CT45A10: variants seen among roughly 807,000 people sequenced by gnomAD.
CT45A10 encodes the protein cancer/testis antigen family 45 member A10.
CT45A10 carries 19 observed loss-of-function variants against 8.3 expected under a neutral mutation model. That is an observed-to-expected ratio of 2.30 (90% confidence interval 1.61 to 3.38). The LOEUF is 3.38. CT45A10 is among the 30% of genes most tolerant of loss of function. The pLI is 0.00. For synonymous variants in CT45A10, 28 were observed against 26.5 expected, an observed-to-expected ratio of 1.06 and a Z score of -0.17; for missense variants, 149 against 85.9, an observed-to-expected ratio of 1.73 and a Z score of -2.90.
chrX:135,882,872 G>T, intron 3 of CT45A10, 136 bp downstream of exon 3: 1 of 710,782 alleles, frequency 1.4e-6, no homozygotes, highest in Non-Finnish European at 2.1e-6. Context: ...TCAAAGAAAA[G>T]AGGAACCACC....
rs944791933 is a variant in CT45A10 at position 135,893,396 on chromosome X, C to T, written c.-58G>A. Among the ~76,000 whole-genome samples the T allele has an allele frequency of 1.8e-5, 2 of 112,625 alleles. No homozygotes were observed. The highest frequency in any genetic ancestry group is 3.2e-5 in the African/African-American group (1 of 31,035). On this transcript the variant is annotated 5_prime_UTR_variant, in exon 1 of 5. Coordinates refer to ENST00000682849, the MANE Select transcript of CT45A10 (RefSeq NM_001291529.2). The stretch of plus-strand genomic sequence containing the variant: ...TCACAAAATGGCAGTGAAGTTGTGG[C>T]GCCTCCCCACTGTTGTAACTTTGTA...
intron 1 of CT45A10, among the ~76,000 whole-genome samples, chrX:135,889,671 T>G (rs782525541): frequency 1.8e-5 from 2 of 109,568 alleles, no homozygotes; most frequent in Admixed American, 1.9e-4. Context: ...GCCAACATGG[T>G]GAATCCCGTC....
chrX:135,883,560 G>C (rs1160770679), intron 2 of CT45A10, among the ~76,000 whole-genome samples: 3 of 109,110 alleles, frequency 2.7e-5, no homozygotes, highest in Admixed American at 2.0e-4. Context: ...TGGAAACCAA[G>C]TAAGGCAGTA....
At chrX:135,890,846 A>T (rs2088493829) in intron 1 of CT45A10, among the ~76,000 whole-genome samples, 1 of 112,362 alleles carries the variant, frequency 8.9e-6, no homozygotes, top group South Asian at 3.7e-4. Context: ...AATCTTTAAG[A>T]AAAAGAACTA....
intron 3 of CT45A10, 110 bp downstream of exon 3, chrX:135,882,898 T>C: frequency 1.1e-6 from 1 of 947,854 alleles, no homozygotes; most frequent in Non-Finnish European, 1.5e-6. Context: ...TTATGTGCAG[T>C]CTCAACTCTG....
intron 4 of CT45A10, 120 bp from the exon 5 acceptor site, chrX:135,881,435 A>C (rs2148057882): frequency 5.2e-6 from 1 of 191,730 alleles, no homozygotes; most frequent in African/African-American, 8.1e-5. Flanking sequence ...ATGTATCTGC[A>C]TGGTAAGAGG....
intron 1 of CT45A10, among the ~76,000 whole-genome samples, chrX:135,890,347 C>T (rs782806866): frequency 8.9e-6 from 1 of 112,542 alleles, no homozygotes; most frequent in Non-Finnish European, 1.9e-5. Context: ...TGAGAGCGCT[C>T]CGGGGTAGGC....
In CT45A10 at chrX:135,883,056, C is replaced by G; in HGVS notation, c.370G>C (p.Ala124Pro). Residue 124 changes from alanine to proline, a missense_variant, in exon 3 of 5, where the codon GCT becomes CCT. Coordinates refer to ENST00000682849, the MANE Select transcript of CT45A10 (RefSeq NM_001291529.2). ...TTCACTACTTGACATTTTATATCAG[C>G]ATTAATTTCTTGTTGGCTTTTGGGA... The part of the protein sequence containing the change: ...SSPKSQQEIN[A>P]DIKCQVVKEI... The G allele has an allele frequency of 3.3e-6, 4 of 1,198,717 alleles. No individual in the cohort carries two copies. Among genetic ancestry groups the G allele is most frequent in the Non-Finnish European group, 4.5e-6 (4 of 885,706 alleles).
intron 1 of CT45A10, among the ~76,000 whole-genome samples, chrX:135,889,547 G>T (rs1556589162): frequency 2.7e-5 from 3 of 111,116 alleles, no homozygotes; most frequent in African/African-American, 6.6e-5. Context: ...ATTTGAGGGG[G>T]TTGTTTTTTA....
chrX:135,889,262 G>A (rs1336772342), intron 1 of CT45A10: 2 of 145,321 alleles, frequency 1.4e-5, no homozygotes, highest in African/African-American at 3.2e-5. Context: ...GGATGAAATC[G>A]CCTGGGTAAC....
intron 1 of CT45A10, among the ~76,000 whole-genome samples, chrX:135,892,598 T>A (rs1166075262): frequency 9.6e-6 from 1 of 104,383 alleles, no homozygotes. Flanking sequence ...GACACAAGAG[T>A]TCCCCGAGTC....
chrX:135,891,002 G>C (rs1457862478), intron 1 of CT45A10, among the ~76,000 whole-genome samples: 5 of 111,850 alleles, frequency 4.5e-5, no homozygotes, highest in African/African-American at 1.3e-4. Flanking sequence ...AAAATAGCTA[G>C]ATTTACCACA....
Position 135,883,049 on chromosome X carries a change from A to G in CT45A10, c.377T>C (p.Ile126Thr), listed in dbSNP as rs1369700791. 2.5e-6 allele frequency: 3 copies of G among 1,197,236 alleles called. No individual in the cohort carries two copies. Among genetic ancestry groups the G allele is most frequent in the Non-Finnish European group, 3.4e-6 (3 of 885,472 alleles). Residue 126 changes from isoleucine (I) to threonine (T), a missense_variant, in exon 3 of 5, where the codon ATA (isoleucine) becomes ACA (threonine). Coordinates refer to ENST00000682849, the MANE Select transcript of CT45A10 (RefSeq NM_001291529.2). ...GATTTCCTTCACTACTTGACATTTT[A>G]TATCAGCATTAATTTCTTGTTGGCT... ...PKSQQEINAD[I>T]KCQVVKEIRC...
rs782510087 is a variant in CT45A10 at position 135,890,418 on chromosome X, C to T, written c.-7+2927G>A. 4.5e-3 allele frequency among the ~76,000 whole-genome samples: 508 copies of T among 112,396 alleles called. 5 individuals are homozygous for T. Among genetic ancestry groups the T allele is most frequent in the African/African-American group, 0.016 (488 of 30,946 alleles). On this transcript the variant is annotated intron_variant, in intron 1 of 4. Coordinates refer to ENST00000682849, the MANE Select transcript of CT45A10 (RefSeq NM_001291529.2). ...ACAGCAGGCCCCCGCGGAGGATCAA[C>T]GCAGTGGCTGAACACCAGGAAGGAA...
chrX:135,892,920 AC>A (rs1276356124), intron 1 of CT45A10, among the ~76,000 whole-genome samples: 1 of 107,234 alleles, frequency 9.3e-6, no homozygotes, highest in Non-Finnish European at 1.9e-5. Context: ...AGCCACCACC[AC>A]CCCGGCCCTT....
Position 135,883,205 on chromosome X carries a change from T to G in CT45A10, c.221A>C (p.Asp74Ala), listed in dbSNP as rs1474970378. ...IPPSQLDSQI[D>A]DFTGFSKDGM... ...ATCTTTGCTGAAACCAGTGAAGTCA[T>G]CAATCTGAGAATCCAATTGGCTGGG... The change falls in exon 3 of 5, where the codon GAT (aspartate) becomes GCT (alanine). Residue 74 changes from aspartate to alanine, a missense_variant. Asp to Ala is a moderately radical substitution (Grantham distance 126). Coordinates refer to ENST00000682849, the MANE Select transcript of CT45A10 (RefSeq NM_001291529.2). The G allele has an allele frequency of 3.0e-5, 36 of 1,196,261 alleles. No homozygotes were observed. Among genetic ancestry groups the G allele is most frequent in the Non-Finnish European group, 4.0e-5 (35 of 885,630 alleles).
At chrX:135,889,837 A>AC (rs1361881383) in intron 1 of CT45A10, among the ~76,000 whole-genome samples, 1 of 111,271 alleles carries the variant, frequency 9.0e-6, no homozygotes, top group African/African-American at 3.3e-5. Flanking sequence ...TTGGAAAAAA[A>AC]AAAAAAAAGT....
intron 4 of CT45A10, among the ~76,000 whole-genome samples, 176 bp from the exon 5 acceptor site, chrX:135,881,491 G>A (rs2088375041): frequency 4.9e-5 from 2 of 40,470 alleles, no homozygotes. Context: ...TGGAGAAAAG[G>A]GAACCCTCAT....
chrX:135,892,017 C>CAAA (rs782680088), intron 1 of CT45A10, among the ~76,000 whole-genome samples: 2 of 5,505 alleles, frequency 3.6e-4, no homozygotes, highest in African/African-American at 6.2e-4. Context: ...AAAAGTGCTC[C>CAAA]GAAAAAAAAA....
Sources: gnomAD v4.1 joint callset for allele counts (sites outside exome capture counted in the v4.1 genomes callset) on GRCh38, gnomAD v4.1.1 for gene constraint, MANE v1.5 for transcripts, NCBI Gene and HGNC (gene_info 2026-07-23, HGNC 2026-07-21) for gene names.